ZNF77: variants seen among roughly 807,000 people sequenced by gnomAD.
The protein encoded by ZNF77 is zinc finger protein 77.
A neutral mutation model predicts 13.5 loss-of-function variants in ZNF77; 15 were observed. That is an observed-to-expected ratio of 1.11 (90% CI 0.74 to 1.71). The LOEUF (loss-of-function observed/expected upper bound fraction) is 1.71, where lower values mean the gene tolerates loss of function less well. ZNF77 is among the 40% of genes most tolerant of loss of function. The pLI is 0.00. For synonymous variants in ZNF77, 282 were observed against 250.0 expected (o/e 1.13, Z -1.21); for missense variants, 717 against 676.4 (o/e 1.06, Z -0.67).
In ZNF77 at chr19:2,933,840, C is replaced by T. The variant is rs201521069; in HGVS notation, c.1287G>A (p.Thr429=). 74 of 1,613,176 alleles carry T rather than the reference C, an allele frequency of 4.6e-5. No individual in the cohort carries two copies. The Middle Eastern group carries it at 2.0e-3, about 43-fold the overall frequency. Residue 429 remains threonine, a synonymous_variant, in exon 4 of 4, where the codon ACG becomes ACA. Transcript: ENST00000314531. ...ACTCAAAGGGCTTCTCTCCAGTATG[C>T]GTCCTCACGTGGATTCGAAGGGAGG... ...FSSSLRIHVR[T]HTGEKPFECK... is the part of the protein sequence containing the mutation.
In ZNF77 at chr19:2,937,151, G is replaced by T. The variant is rs772556428; in HGVS notation, c.131-447C>A. Among the ~76,000 whole-genome samples the T allele has an allele frequency of 2.0e-5, 3 of 152,112 alleles. No individual in the cohort carries two copies. The South Asian group carries it at 6.2e-4, about 32-fold the overall frequency. On this transcript the variant is annotated intron_variant, in intron 2 of 3. Transcript: ENST00000314531. The stretch of plus-strand genomic sequence containing the variant: ...CTGCAGTGGGCCATGATTGCACCAC[G>T]GCACTGCAGCCTGTGTGACAGAGTG...
At chr19:2,936,770 C>T (rs1238449405) in intron 2 of ZNF77, 66 bp from the exon 3 acceptor site, 16 of 1,455,594 alleles carry the variant, frequency 1.1e-5, no homozygotes, top group East Asian at 4.7e-5. Context: ...AGACCACATA[C>T]GGATTTCTTT....
Position 2,941,679 on chromosome 19 carries a change from T to C in ZNF77, c.4-2272A>G, listed in dbSNP as rs368710304. Among the ~76,000 whole-genome samples the C allele has an allele frequency of 2.3e-4, 35 of 152,266 alleles. No individual in the cohort carries two copies. In the South Asian group the frequency reaches 3.9e-3, roughly 17 times the overall value. The stretch of plus-strand genomic sequence containing the variant: ...AGTTAATGATTATCCTCATGATAAA[T>C]TGTTCGTCAGTCCCCTAATCGGAAT... On this transcript the variant is annotated intron_variant, in intron 1 of 3. Transcript: ENST00000314531.
At chr19:2,938,751 T>C (rs1424263815) in intron 2 of ZNF77, among the ~76,000 whole-genome samples, 1 of 152,028 alleles carries the variant, frequency 6.6e-6, no homozygotes, top group Non-Finnish European at 1.5e-5. Context: ...GGTCAGGAGA[T>C]CGAGACCATC....
chr19:2,937,313 A>T (rs1247188352), intron 2 of ZNF77, among the ~76,000 whole-genome samples: 1 of 152,118 alleles, frequency 6.6e-6, no homozygotes, highest in Non-Finnish European at 1.5e-5. Flanking sequence ...GTTAAACCCC[A>T]TCTCCACTAA....
At position 2,934,496 on chromosome 19, in the gene ZNF77, A is replaced by C. The variant is rs746907256; in HGVS notation, c.631T>G (p.Ser211Ala). The C allele has an allele frequency of 1.2e-6, 2 of 1,614,174 alleles. No individual in the cohort carries two copies. Among genetic ancestry groups the C allele is most frequent in the South Asian group, 2.2e-5 (2 of 91,086 alleles). ...TTTCCACATTTCTGACATTCATAAG[A>C]CTTTTTACTGCTGAGACTTTTCACG... ...TYVKSLSSKK[S>A]YECQKCGKAF... is the part of the protein sequence containing the mutation. Residue 211 changes from serine to alanine, a missense_variant, in exon 4 of 4, where the codon TCT becomes GCT. By Grantham distance (99) the Ser-to-Ala change is moderately conservative. Coordinates refer to ENST00000314531, the MANE Select transcript of ZNF77 (RefSeq NM_021217.3).
chr19:2,940,215 G>A (rs2088437106), intron 1 of ZNF77, among the ~76,000 whole-genome samples: 1 of 151,716 alleles, frequency 6.6e-6, no homozygotes, highest in African/African-American at 2.4e-5. Flanking sequence ...AAAGCAAGGA[G>A]ATTATTTCCT....
intron 3 of ZNF77, among the ~76,000 whole-genome samples, chr19:2,935,071 T>A (rs986802213): frequency 2.0e-5 from 3 of 152,104 alleles, no homozygotes; most frequent in Admixed American, 1.3e-4. Context: ...CAGGCTGGAG[T>A]GCAGTGGCGC....
rs377141843 is a variant in ZNF77, at chr19:2,936,401, G to A, written c.311+123C>T. On this transcript the variant is annotated intron_variant, in intron 3 of 3. Transcript: ENST00000314531. ...TAACCTCAGGTGATCCACCCGCCTC[G>A]GCCTCCCAAAGTGCTGGGATTACAG... 49 of 1,064,984 alleles carry A rather than the reference G, an allele frequency of 4.6e-5. No individual in the cohort carries two copies. In the African/African-American group the frequency reaches 5.9e-4, roughly 13 times the overall value. The allele number at this position is 1,064,984 out of a possible 1,614,324, so 66.0% of individuals were successfully genotyped here.
At position 2,934,433 on chromosome 19, in the gene ZNF77, T is replaced by C. The variant is rs1208644548; in HGVS notation, c.694A>G (p.Asn232Asp). ...ICPSSFRGHV[N>D]SHHGQKTHAC... ...TGGGTTTTCTGCCCATGATGACTAT[T>C]CACATGTCCCCTGAAAGATGAGGGA... The change falls in exon 4 of 4, where the codon AAT (asparagine) becomes GAT (aspartate). Residue 232 changes from asparagine to aspartate, a missense_variant. Asn to Asp is a conservative substitution (Grantham distance 23). Coordinates refer to ENST00000314531, the MANE Select transcript of ZNF77 (RefSeq NM_021217.3). The C allele has an allele frequency of 6.2e-7, 1 of 1,614,112 alleles. No homozygotes were observed. Among genetic ancestry groups the C allele is most frequent in the East Asian group, 2.2e-5 (1 of 44,902 alleles).
At chr19:2,935,571 T>G (rs1273682590) in intron 3 of ZNF77, among the ~76,000 whole-genome samples, 1 of 151,420 alleles carries the variant, frequency 6.6e-6, no homozygotes, top group Non-Finnish European at 1.5e-5. Flanking sequence ...CCTCAGGTGA[T>G]CCACCTGCCT....
At chr19:2,944,241 CCT>C in intron 1 of ZNF77, among the ~76,000 whole-genome samples, 1 of 147,052 alleles carries the variant, frequency 6.8e-6, no homozygotes, top group East Asian at 2.1e-4. Flanking sequence ...TTAAAGTGCC[CCT>C]GAGCCCCTGA....
chr19:2,934,450 G>C lies in ZNF77; in HGVS notation c.677C>G (p.Ser226Cys). 6.2e-7 allele frequency: 1 copy of C among 1,614,202 alleles called. No individual in the cohort carries two copies. The highest frequency in any genetic ancestry group is 1.1e-5 in the South Asian group (1 of 91,086). ...KCGKAFICPS[S>C]FRGHVNSHHG... ...ATGACTATTCACATGTCCCCTGAAA[G>C]ATGAGGGACAAATGAAAGCTTTTCC... Residue 226 changes from serine to cysteine, a missense_variant, in exon 4 of 4, where the codon TCT becomes TGT. Transcript: ENST00000314531.
In ZNF77 at chr19:2,933,520, T is replaced by G; in HGVS notation, c.1607A>C (p.Gln536Pro). The G allele has an allele frequency of 6.3e-7, 1 of 1,594,730 alleles. No homozygotes were observed. Among genetic ancestry groups the G allele is most frequent in the Non-Finnish European group, 8.6e-7 (1 of 1,167,534 alleles). The change falls in exon 4 of 4, where the codon CAA becomes CCA. Residue 536 changes from glutamine to proline, a missense_variant. Physicochemically the swap from Gln to Pro is moderately conservative, Grantham distance 76. Coordinates refer to ENST00000314531, the MANE Select transcript of ZNF77 (RefSeq NM_021217.3). The part of the protein sequence containing the change: ...GKTFRYLASL[Q>P]AHVRTHAGA ...TCCAGCATGTGTTCTCACATGTGCT[T>G]GAAGCGATGCGAGATACCTGAAGGT...
rs200535011 is a variant in ZNF77, at chr19:2,933,931, A to T, written c.1196T>A (p.Val399Glu). ...FGCPTYFRRHVKTHSGVKPYQ... is the reference protein window; with the variant it reads ...FGCPTYFRRHEKTHSGVKPYQ... ...GGGCTTCACCCCGCTGTGTGTTTTC[A>T]CATGTCTTCTAAAGTAAGTGGGACA... Residue 399 changes from valine (V) to glutamate (E), a missense_variant, in exon 4 of 4, where the codon GTG becomes GAG. Physicochemically the swap from Val to Glu is moderately radical, Grantham distance 121 (BLOSUM62 -2). Coordinates refer to ENST00000314531, the MANE Select transcript of ZNF77 (RefSeq NM_021217.3). The T allele has an allele frequency of 2.7e-5, 43 of 1,613,780 alleles. No individual in the cohort carries two copies. In the South Asian group the frequency reaches 4.6e-4, roughly 17 times the overall value.
intron 1 of ZNF77, among the ~76,000 whole-genome samples, chr19:2,942,175 G>A (rs1202887902): frequency 6.6e-6 from 1 of 150,896 alleles, no homozygotes; most frequent in Non-Finnish European, 1.5e-5. Flanking sequence ...CGGTTCAAGC[G>A]ATTCTCCTGC....
rs2088359167 is a variant in ZNF77 at position 2,933,252 on chromosome 19, T to C, written c.*237A>G. 1 of 407,650 alleles carries C rather than the reference T, an allele frequency of 2.5e-6. No individual in the cohort carries two copies. The allele number at this position is 407,650 out of a possible 1,614,324, so 25.3% of individuals were successfully genotyped here. A position where few individuals can be genotyped will look rare whatever the true frequency, so the allele number is the denominator to read the frequency against. ...ACAAAACAGGATATTTATTAAATGTTTATATCACAAACATACACTAGAAAT... is the reference window on the plus strand; with the variant it reads ...ACAAAACAGGATATTTATTAAATGTCTATATCACAAACATACACTAGAAAT... On this transcript the variant is annotated 3_prime_UTR_variant, in exon 4 of 4. Coordinates refer to ENST00000314531, the MANE Select transcript of ZNF77 (RefSeq NM_021217.3).
chr19:2,941,037 T>C (rs1478408032), intron 1 of ZNF77, among the ~76,000 whole-genome samples: 12 of 151,756 alleles, frequency 7.9e-5, no homozygotes, highest in Non-Finnish European at 1.8e-4. Context: ...TAGCCAGGCA[T>C]GGTGGGGCAC....
Position 2,934,333 on chromosome 19 carries a change from TCTC to T in ZNF77, c.791_793del (p.Gly264del). On this transcript the variant is annotated inframe_deletion, in exon 4 of 4. Transcript: ENST00000314531. The stretch of plus-strand genomic sequence containing the variant: ...ACACTCCTTACACTCATAGGGTTTC[TCTC>T]CTGTGTGAGTTCTTACGTGCCGTGT... 1 of 1,614,242 alleles carries T rather than the reference TCTC, an allele frequency of 6.2e-7. No individual in the cohort carries two copies. The highest frequency in any genetic ancestry group is 1.3e-5 in the African/African-American group (1 of 75,064).
Sources: gnomAD v4.1 joint callset for allele counts (sites outside exome capture counted in the v4.1 genomes callset) on GRCh38, gnomAD v4.1.1 for gene constraint, MANE v1.5 for transcripts, NCBI Gene and HGNC (gene_info 2026-07-23, HGNC 2026-07-21) for gene names.